RPS6KA6: variants seen among roughly 807,000 people sequenced by gnomAD.
RPS6KA6 encodes ribosomal protein S6 kinase A6, also known as ribosomal protein S6 kinase alpha-6.
A neutral mutation model predicts 65.4 loss-of-function variants in RPS6KA6; 27 were observed. The observed-to-expected ratio is 0.41, with a 90% CI of 0.30 to 0.57. The LOEUF (loss-of-function observed/expected upper bound fraction) is 0.57, where lower values mean the gene tolerates loss of function less well. Ranked by LOEUF, RPS6KA6 falls within the 20% of genes least tolerant of loss-of-function variation. The probability of loss-of-function intolerance (pLI) is 0.24; values close to 1 mark genes in which losing one functional copy is unlikely to be tolerated. For missense variants in RPS6KA6, 486 were observed against 555.6 expected (o/e 0.87, Z 1.26); for synonymous variants, 190 against 184.2 (o/e 1.03, Z -0.26).
intron 12 of RPS6KA6, among the ~76,000 whole-genome samples, chrX:84,115,917 G>C (rs916208614): frequency 1.8e-5 from 2 of 111,035 alleles, no homozygotes; most frequent in African/African-American, 6.6e-5. Context: ...TGGACATACA[G>C]ATGGAAATAA....
intron 12 of RPS6KA6, among the ~76,000 whole-genome samples, chrX:84,109,216 T>C (rs773254643): frequency 2.0e-4 from 22 of 112,214 alleles, no homozygotes; most frequent in Admixed American, 1.5e-3. Flanking sequence ...GCTGAAGGGG[T>C]CTGCCTTCCC....
intron 6 of RPS6KA6, among the ~76,000 whole-genome samples, chrX:84,143,619 G>A (rs1159893619): frequency 1.8e-5 from 2 of 111,221 alleles, no homozygotes; most frequent in African/African-American, 6.5e-5. Context: ...TCTGCAAATT[G>A]ACCTATACAT....
chrX:84,185,787 T>C (rs747741408), intron 1 of RPS6KA6, among the ~76,000 whole-genome samples: 6 of 111,582 alleles, frequency 5.4e-5, no homozygotes, highest in Admixed American at 1.9e-4. Flanking sequence ...CAATTGAGGG[T>C]TGTAGAGCTT....
intron 3 of RPS6KA6, among the ~76,000 whole-genome samples, chrX:84,152,513 T>C (rs1479926097): frequency 2.3e-5 from 2 of 88,329 alleles, no homozygotes; most frequent in Non-Finnish European, 5.3e-5. Flanking sequence ...CTGTGATCTA[T>C]TTCTTTTTTC....
At chrX:84,108,205 A>G (rs892081441) in intron 12 of RPS6KA6, among the ~76,000 whole-genome samples, 2 of 112,401 alleles carry the variant, frequency 1.8e-5, no homozygotes, top group African/African-American at 6.5e-5. Flanking sequence ...AAAGGCATAG[A>G]AAATTTCTAA....
intron 6 of RPS6KA6, 130 bp downstream of exon 6, chrX:84,145,348 A>G: frequency 2.3e-6 from 1 of 428,659 alleles, no homozygotes; most frequent in Non-Finnish European, 4.0e-6. Flanking sequence ...ACATTACCAA[A>G]TACTATGCAA....
intron 6 of RPS6KA6, among the ~76,000 whole-genome samples, chrX:84,140,837 T>C (rs2035088260): frequency 9.5e-6 from 1 of 104,714 alleles, no homozygotes; most frequent in Non-Finnish European, 2.0e-5. Context: ...CCTTAAAAGA[T>C]TAAAAGAAAG....
intron 12 of RPS6KA6, among the ~76,000 whole-genome samples, chrX:84,109,022 G>C (rs978067593): frequency 3.6e-5 from 4 of 111,132 alleles, no homozygotes; most frequent in African/African-American, 1.3e-4. Context: ...CTCGTGACCC[G>C]CTCTTCAGCT....
chrX:84,146,046 T>C (rs938142895), intron 5 of RPS6KA6, among the ~76,000 whole-genome samples: 2 of 111,548 alleles, frequency 1.8e-5, no homozygotes, highest in Non-Finnish European at 3.8e-5. Context: ...ATTTATGCAA[T>C]TAATTTCTTT....
At chrX:84,107,581 A>T (rs1288053500) in intron 13 of RPS6KA6, 42 bp downstream of exon 13, 1 of 821,809 alleles carries the variant, frequency 1.2e-6, no homozygotes, top group African/African-American at 2.1e-5. Context: ...TAAACTATCT[A>T]CTTAAATAAA....
chrX:84,178,719 A>G (rs763980916), intron 1 of RPS6KA6, among the ~76,000 whole-genome samples: 1 of 111,541 alleles, frequency 9.0e-6, no homozygotes, highest in Non-Finnish European at 1.9e-5. Flanking sequence ...GAGCAACTGG[A>G]CATACCTGTG....
intron 20 of RPS6KA6, among the ~76,000 whole-genome samples, chrX:84,066,274 T>C (rs1198985794): frequency 1.9e-5 from 2 of 106,465 alleles, no homozygotes; most frequent in Non-Finnish European, 3.9e-5. Flanking sequence ...TTCACTCCTC[T>C]GGAAGTGAGG....
intron 1 of RPS6KA6, among the ~76,000 whole-genome samples, chrX:84,177,995 T>C (rs775926972): frequency 9.0e-6 from 1 of 111,220 alleles, no homozygotes; most frequent in Non-Finnish European, 1.9e-5. Context: ...GGTCTCACTA[T>C]GTTGCCCAGG....
intron 9 of RPS6KA6, among the ~76,000 whole-genome samples, chrX:84,119,548 C>T: frequency 9.0e-6 from 1 of 111,377 alleles, no homozygotes; most frequent in Non-Finnish European, 1.9e-5. Context: ...TGGTAAGGTG[C>T]TAAGTTCTGT....
chrX:84,095,709 TTTGCC>T (rs2034142347), intron 20 of RPS6KA6, among the ~76,000 whole-genome samples: 1 of 111,914 alleles, frequency 8.9e-6, no homozygotes, highest in South Asian at 3.7e-4. Flanking sequence ...TTAAAGTGTA[TTTGCC>T]TTGCATTATA....
intron 20 of RPS6KA6, among the ~76,000 whole-genome samples, chrX:84,069,528 C>A (rs1809255177): frequency 8.9e-6 from 1 of 111,769 alleles, no homozygotes; most frequent in African/African-American, 3.3e-5. Context: ...ACTAAAACAC[C>A]AAAAGCACTT....
rs761274559 is a variant in RPS6KA6, at chrX:84,105,816, G to T, written c.1426C>A (p.Gln476Lys). 18 of 1,170,361 alleles carry T rather than the reference G, an allele frequency of 1.5e-5. No individual in the cohort carries two copies. Among genetic ancestry groups the T allele is most frequent in the Non-Finnish European group, 2.0e-5 (17 of 862,330 alleles). Residue 476 changes from glutamine to lysine, a missense_variant, in exon 16 of 22, where the codon CAA (glutamine) becomes AAA (lysine). By Grantham distance (53) the Gln-to-Lys change is moderately conservative (BLOSUM62 1). Transcript: ENST00000262752. ...EEIEILMRYG[Q>K]HPNIITLKDV... ...TTCAAAGTAATAATGTTGGGATGTT[G>T]TCCATAGCGCATCAATATTTCAATC...
chrX:84,139,938 AAG>A (rs1265573895), intron 6 of RPS6KA6, among the ~76,000 whole-genome samples: 1 of 111,855 alleles, frequency 8.9e-6, no homozygotes, highest in Non-Finnish European at 1.9e-5. Flanking sequence ...TGGAGCCTGA[AAG>A]ACTTCCTGAG....
rs1035702928 is a variant in RPS6KA6, at chrX:84,160,378, C to G, written c.141+3950G>C. Among the ~76,000 whole-genome samples, 72 of 110,928 alleles carry G rather than the reference C, an allele frequency of 6.5e-4. 4 individuals carry two copies. Among genetic ancestry groups the G allele is most frequent in the South Asian group, 7.5e-4 (2 of 2,664 alleles). On this transcript the variant is annotated intron_variant, in intron 2 of 21. Coordinates refer to ENST00000262752, the MANE Select transcript of RPS6KA6 (RefSeq NM_014496.5). The stretch of plus-strand genomic sequence containing the variant: ...ACTGTTAAAGTACAAAATGAACTGT[C>G]AAATCTACTATTGCTCCATTCATTT...
Sources: gnomAD v4.1 joint callset for allele counts (sites outside exome capture counted in the v4.1 genomes callset) on GRCh38, gnomAD v4.1.1 for gene constraint, MANE v1.5 for transcripts, NCBI Gene and HGNC (gene_info 2026-07-23, HGNC 2026-07-21) for gene names.